Variants in ZMYND8 observed in about 807,000 individuals in gnomAD.
The protein encoded by ZMYND8 is zinc finger MYND-type containing 8.
Under a neutral mutation model 140.8 loss-of-function variants are expected in ZMYND8, and 37 were observed. The observed-to-expected ratio is 0.26, with a 90% confidence interval of 0.20 to 0.35. ZMYND8 has a LOEUF of 0.35. ZMYND8 is among the 10% of genes least tolerant of loss of function. The pLI is 1.00. For synonymous variants in ZMYND8, 592 were observed against 597.1 expected (o/e 0.99, Z 0.12); for missense variants, 1,068 against 1,570.0 (o/e 0.68, Z 5.40).
At chr20:47,238,530 C>CATTTATAA in intron 15 of ZMYND8, 1 of 715,354 alleles carries the variant, frequency 1.4e-6, no homozygotes, top group Non-Finnish European at 2.3e-6. Flanking sequence ...AGAATATATG[C>CATTTATAA]ATGTATCATT....
chr20:47,324,658 T>C (rs1601938038), intron 2 of ZMYND8, among the ~76,000 whole-genome samples: 1 of 152,300 alleles, frequency 6.6e-6, no homozygotes, highest in South Asian at 2.1e-4. Flanking sequence ...CTTCTCTCCT[T>C]CATTCACTCA....
chr20:47,287,126 A>T, intron 8 of ZMYND8, 103 bp downstream of exon 8: 7 of 1,067,202 alleles, frequency 6.6e-6, no homozygotes, highest in South Asian at 5.2e-5. Flanking sequence ...CAAATTCCAA[A>T]ATCACCTCGG....
chr20:47,303,446 A>G (rs909563313), intron 3 of ZMYND8, among the ~76,000 whole-genome samples: 1 of 152,182 alleles, frequency 6.6e-6, no homozygotes, highest in Non-Finnish European at 1.5e-5. Flanking sequence ...AGCTGGGCAC[A>G]GTGGCTCACG....
intron 11 of ZMYND8, among the ~76,000 whole-genome samples, chr20:47,273,685 T>G (rs1447460153): frequency 1.3e-5 from 2 of 152,276 alleles, no homozygotes; most frequent in South Asian, 4.1e-4. Context: ...CAGGCTGGAG[T>G]GCAGTGGCAC....
chr20:47,288,968 G>T (rs1229722537), intron 7 of ZMYND8, among the ~76,000 whole-genome samples: 1 of 152,044 alleles, frequency 6.6e-6, no homozygotes, highest in Non-Finnish European at 1.5e-5. Flanking sequence ...CAGGTGTGGT[G>T]GCACACGCCT....
chr20:47,333,428 C>G (rs1265859029), intron 2 of ZMYND8, among the ~76,000 whole-genome samples: 1 of 151,748 alleles, frequency 6.6e-6, no homozygotes, highest in Non-Finnish European at 1.5e-5. Flanking sequence ...AGGTGAAACC[C>G]CGTCTCTACT....
intron 21 of ZMYND8, among the ~76,000 whole-genome samples, chr20:47,215,924 G>A (rs747586319): frequency 6.6e-6 from 1 of 152,208 alleles, no homozygotes; most frequent in South Asian, 2.1e-4. Flanking sequence ...GTCAAGGAAG[G>A]CACTTGGAGA....
intron 18 of ZMYND8, among the ~76,000 whole-genome samples, chr20:47,226,679 G>A (rs1215558564): frequency 1.3e-5 from 2 of 152,064 alleles, no homozygotes; most frequent in Non-Finnish European, 2.9e-5. Context: ...GGAAAACCAG[G>A]GATATAACAG....
intron 6 of ZMYND8, among the ~76,000 whole-genome samples, chr20:47,291,324 C>A (rs1331730059): frequency 1.3e-5 from 2 of 152,198 alleles, no homozygotes; most frequent in African/African-American, 4.8e-5. Flanking sequence ...GGAATTTTAG[C>A]ATGAACTTTT....
At chr20:47,356,283 G>C (rs2083226900) in intron 1 of ZMYND8, 3 of 1,195,278 alleles carry the variant, frequency 2.5e-6, no homozygotes, top group African/African-American at 3.2e-5. Context: ...GGTGGGAGGG[G>C]GGGAACTGCT....
chr20:47,327,066 A>G (rs1379713585), intron 2 of ZMYND8, among the ~76,000 whole-genome samples: 2 of 152,118 alleles, frequency 1.3e-5, no homozygotes, highest in African/African-American at 2.4e-5. Context: ...GGAAGAGAGC[A>G]CTACTTACAG....
chr20:47,219,055 ATTTT>A (rs3092175), intron 21 of ZMYND8, among the ~76,000 whole-genome samples: 21 of 110,938 alleles, frequency 1.9e-4, no homozygotes, highest in Admixed American at 8.7e-4. Context: ...CGTTTCTACA[ATTTT>A]TTTTTTTTTT....
intron 16 of ZMYND8, among the ~76,000 whole-genome samples, 180 bp downstream of exon 16, chr20:47,236,146 C>T (rs1308249644): frequency 6.6e-6 from 1 of 152,234 alleles, no homozygotes; most frequent in East Asian, 1.9e-4. Context: ...GTCCATTCTA[C>T]ATTTCTCTGT....
chr20:47,350,018 A>T (rs1248548012), intron 1 of ZMYND8: 1 of 1,474,240 alleles, frequency 6.8e-7, no homozygotes, highest in East Asian at 2.6e-5. Flanking sequence ...CAAACTAGTT[A>T]TGTGGTGGCT....
chr20:47,287,194 G>C (rs768634683), intron 8 of ZMYND8, 35 bp downstream of exon 8: 9 of 1,589,568 alleles, frequency 5.7e-6, no homozygotes, highest in Middle Eastern at 1.7e-4. Flanking sequence ...CCTCCTTCTG[G>C]GTGCATCTAA....
Position 47,298,464 on chromosome 20 carries a change from G to A in ZMYND8, c.453+265C>T. 1.0e-6 allele frequency: 1 copy of A among 985,430 alleles called. No individual in the cohort carries two copies. The highest frequency in any genetic ancestry group is 1.2e-6 in the Non-Finnish European group (1 of 829,940). 61.0% of individuals were successfully genotyped at this position (985,430 alleles called of 1,614,324 possible). A position where few individuals can be genotyped will look rare whatever the true frequency, so the allele number is the denominator to read the frequency against. ...CAAAAAGTTCATCATAGAAGATGCA[G>A]AGATGACGACTACAGATCTCCAAGG... On this transcript the variant is annotated intron_variant, in intron 4 of 22. Transcript: ENST00000471951. The surrounding 1 kb of genome is among the most constrained non-coding windows in gnomAD (Gnocchi z 5.0).
In ZMYND8 at chr20:47,230,215, T is replaced by G. The variant is rs543980614; in HGVS notation, c.2857-409A>C. 1.2e-3 allele frequency among the ~76,000 whole-genome samples: 184 copies of G among 152,116 alleles called. 1 individual carries two copies. The highest frequency in any genetic ancestry group is 2.4e-3 in the Non-Finnish European group (163 of 68,002). ...CATAAAGCTAGTTTCCATACCCACATAAAGCTAGTTTCCATACTACAGTTT... is the reference window on the plus strand; with the variant it reads ...CATAAAGCTAGTTTCCATACCCACAGAAAGCTAGTTTCCATACTACAGTTT... On this transcript the variant is annotated intron_variant, in intron 16 of 22. Transcript: ENST00000471951.
intron 2 of ZMYND8, among the ~76,000 whole-genome samples, chr20:47,320,940 C>T (rs747794114): frequency 2.6e-5 from 4 of 152,052 alleles, no homozygotes; most frequent in South Asian, 2.1e-4. Flanking sequence ...GATGGAATCC[C>T]GTCTGCATAG....
At chr20:47,327,067 C>T (rs947883977) in intron 2 of ZMYND8, among the ~76,000 whole-genome samples, 4 of 152,076 alleles carry the variant, frequency 2.6e-5, no homozygotes, top group African/African-American at 9.7e-5. Flanking sequence ...GAAGAGAGCA[C>T]TACTTACAGC....
Sources: gnomAD v4.1 joint callset for allele counts (sites outside exome capture counted in the v4.1 genomes callset) on GRCh38, gnomAD v4.1.1 for gene constraint, Gnocchi (gnomAD v3.1) non-coding constraint, MANE v1.5 for transcripts, NCBI Gene and HGNC (gene_info 2026-07-23, HGNC 2026-07-21) for gene names.